IL36B: variants seen among roughly 807,000 people sequenced by gnomAD.
IL36B encodes the protein interleukin 36 beta, also known as interleukin-36 beta.
Under a neutral mutation model 19.3 loss-of-function variants are expected in IL36B, and 23 were observed. That is an observed-to-expected ratio of 1.19 (90% CI 0.86 to 1.69). The LOEUF (loss-of-function observed/expected upper bound fraction) is 1.69, where lower values mean the gene tolerates loss of function less well. Ranked by LOEUF, IL36B falls within the 40% of genes most tolerant of loss-of-function variation. The probability of loss-of-function intolerance (pLI) is 0.00; values close to 1 mark genes in which losing one functional copy is unlikely to be tolerated. For synonymous variants in IL36B, 59 were observed against 59.7 expected (o/e 0.99, Z 0.05); for missense variants, 217 against 200.5 (o/e 1.08, Z -0.50).
At chr2:113,036,037 C>T (rs562014539) in intron 1 of IL36B, among the ~76,000 whole-genome samples, 5 of 152,248 alleles carry the variant, frequency 3.3e-5, no homozygotes, top group East Asian at 3.9e-4. Context: ...CCGCCCCACC[C>T]GGGTTCAAGA....
At chr2:113,032,960 T>C (rs562328964) in intron 1 of IL36B, among the ~76,000 whole-genome samples, 1 of 152,296 alleles carries the variant, frequency 6.6e-6, no homozygotes, top group South Asian at 2.1e-4. Flanking sequence ...TTAGGCCAGA[T>C]GCTGAGTTGA....
intron 3 of IL36B, among the ~76,000 whole-genome samples, chr2:113,029,577 C>G (rs111671518): frequency 6.6e-6 from 1 of 152,074 alleles, no homozygotes. Flanking sequence ...ATTTCCGGCT[C>G]GAGGAAATGG....
At chr2:113,036,980 T>G (rs1685177283) in intron 1 of IL36B, among the ~76,000 whole-genome samples, 1 of 152,270 alleles carries the variant, frequency 6.6e-6, no homozygotes, top group Non-Finnish European at 1.5e-5. Context: ...TCACAGTAAC[T>G]GTGGTAGCAC....
chr2:113,038,508 C>T (rs1165787949), intron 1 of IL36B, among the ~76,000 whole-genome samples: 1 of 152,220 alleles, frequency 6.6e-6, no homozygotes, highest in Non-Finnish European at 1.5e-5. Context: ...GTAAGTATTT[C>T]CTGGTGGGAG....
At chr2:113,039,070 T>C (rs1026232665) in intron 1 of IL36B, among the ~76,000 whole-genome samples, 2 of 152,214 alleles carry the variant, frequency 1.3e-5, no homozygotes, top group South Asian at 2.1e-4. Flanking sequence ...TAGGTTGGCC[T>C]TGGATTTCTG....
intron 1 of IL36B, among the ~76,000 whole-genome samples, chr2:113,052,551 G>C (rs1009963494): frequency 1.3e-5 from 2 of 152,194 alleles, no homozygotes; most frequent in African/African-American, 4.8e-5. Context: ...GTGGGAATGA[G>C]GCAACATAAT....
intron 2 of IL36B, 32 bp from the exon 3 acceptor site, chr2:113,031,187 G>T (rs371302569): frequency 2.7e-6 from 4 of 1,475,438 alleles, no homozygotes; most frequent in East Asian, 2.3e-5. Flanking sequence ...CAAAATACAC[G>T]TGAGGTTATC....
At chr2:113,046,813 T>C (rs964241012) in intron 1 of IL36B, among the ~76,000 whole-genome samples, 4 of 152,224 alleles carry the variant, frequency 2.6e-5, no homozygotes, top group Non-Finnish European at 5.9e-5. Flanking sequence ...TAATCTTACC[T>C]GGCTGAGATA....
chr2:113,045,733 C>T (rs1372736199), intron 1 of IL36B, among the ~76,000 whole-genome samples: 2 of 152,142 alleles, frequency 1.3e-5, no homozygotes, highest in East Asian at 3.8e-4. Context: ...CTAATAATTT[C>T]TTCTGTATGC....
intron 5 of IL36B, among the ~76,000 whole-genome samples, chr2:113,024,262 A>G (rs1057350566): frequency 2.6e-5 from 4 of 152,104 alleles, no homozygotes; most frequent in Non-Finnish European, 5.9e-5. Flanking sequence ...CGTGAATATT[A>G]GAGTATCTCA....
At chr2:113,028,029 G>A in intron 4 of IL36B, 1 of 1,614,160 alleles carries the variant, frequency 6.2e-7, no homozygotes, top group South Asian at 1.1e-5. Context: ...CTGACTGAAA[G>A]ACAGAAGTGG....
intron 1 of IL36B, among the ~76,000 whole-genome samples, chr2:113,038,308 C>A (rs1225421770): frequency 6.6e-6 from 1 of 152,218 alleles, no homozygotes; most frequent in South Asian, 2.1e-4. Flanking sequence ...TCACTGCTGA[C>A]TGGGCTCAGA....
rs545348737 is a variant in IL36B at position 113,037,670 on chromosome 2, A to G, written c.-57-5904T>C. On this transcript the variant is annotated intron_variant, in intron 1 of 5. Transcript: ENST00000259213. ...ATCTCAAAAAAAAAAAAAAATCCAA[A>G]TGGTCTATACTTTCTGATTTTGTAC... 4.6e-5 allele frequency among the ~76,000 whole-genome samples: 7 copies of G among 151,738 alleles called. No homozygotes were observed. In the East Asian group the frequency reaches 1.2e-3, roughly 25 times the overall value.
chr2:113,040,391 T>G (rs7557928), intron 1 of IL36B, among the ~76,000 whole-genome samples: 114,701 of 152,068 alleles, frequency 0.75, 43,709 homozygotes, highest in East Asian at 0.94. Context: ...ACATCGTATT[T>G]GAAGTCCTAG....
chr2:113,029,022 T>C lies in IL36B; in HGVS notation c.178A>G (p.Asn60Asp). 1.9e-6 allele frequency: 3 copies of C among 1,613,906 alleles called. No individual in the cohort carries two copies. Among genetic ancestry groups the C allele is most frequent in the Non-Finnish European group, 2.5e-6 (3 of 1,179,770 alleles). Residue 60 changes from asparagine (N) to aspartate (D), a missense_variant, in exon 4 of 6, where the codon AAT becomes GAT. Asn to Asp is a conservative substitution (Grantham distance 23). Coordinates refer to ENST00000259213, the MANE Select transcript of IL36B (RefSeq NM_014438.5). ...CCCTTGATTCCCAGGTAAACCATAT[T>C]ACCCTTTTCCTTGTCACTGAATTCT... is the stretch of plus-strand genomic sequence containing the variant.
intron 4 of IL36B, chr2:113,027,722 G>A (rs1468345472): frequency 2.1e-6 from 3 of 1,429,824 alleles, no homozygotes; most frequent in South Asian, 1.5e-5. Flanking sequence ...TGACATTCGA[G>A]TGAGGGTCTT....
chr2:113,047,836 G>A (rs1685374736), intron 1 of IL36B, among the ~76,000 whole-genome samples: 1 of 151,980 alleles, frequency 6.6e-6, no homozygotes, highest in Admixed American at 6.6e-5. Context: ...TGTATTGGAA[G>A]CCCTGGACTA....
Position 113,029,027 on chromosome 2 carries a change from T to A in IL36B, c.173A>T (p.Lys58Met), listed in dbSNP as rs902325973. 8 of 1,613,180 alleles carry A rather than the reference T, an allele frequency of 5.0e-6. No individual in the cohort carries two copies. Among genetic ancestry groups the A allele is most frequent in the Non-Finnish European group, 4.2e-6 (5 of 1,179,374 alleles). The change falls in exon 4 of 6, where the codon AAG becomes ATG. Residue 58 changes from lysine to methionine, a missense_variant. Lys to Met is a moderately conservative substitution (Grantham distance 95). Transcript: ENST00000259213. ...GATTCCCAGGTAAACCATATTACCCTTTTCCTTGTCACTGAATTCTGTGTC... is the reference window on the plus strand; with the variant it reads ...GATTCCCAGGTAAACCATATTACCCATTTCCTTGTCACTGAATTCTGTGTC...
At chr2:113,044,108 C>G (rs1280679737) in intron 1 of IL36B, among the ~76,000 whole-genome samples, 1 of 152,078 alleles carries the variant, frequency 6.6e-6, no homozygotes, top group Admixed American at 6.6e-5. Flanking sequence ...GAAGGCATAT[C>G]GTTCTGGCTT....
Sources: gnomAD v4.1 joint callset for allele counts (sites outside exome capture counted in the v4.1 genomes callset) on GRCh38, gnomAD v4.1.1 for gene constraint, MANE v1.5 for transcripts, NCBI Gene and HGNC (gene_info 2026-07-23, HGNC 2026-07-21) for gene names.